Variants in NRXN3 observed in about 807,000 individuals in gnomAD.
The protein encoded by NRXN3 is neurexin 3, also known as neurexin III.
NRXN3 carries 32 observed loss-of-function variants against 137.6 expected under a neutral mutation model. The ratio of observed to expected loss-of-function variants is 0.23; its 90% CI spans 0.18 to 0.31. NRXN3 has a LOEUF of 0.31. NRXN3 is among the 10% of genes least tolerant of loss of function. The probability of loss-of-function intolerance (pLI) is 1.00; values close to 1 mark genes in which losing one functional copy is unlikely to be tolerated. For missense variants in NRXN3, 1,574 were observed against 2,062.5 expected, an observed-to-expected ratio of 0.76 and a Z score of 4.59; for synonymous variants, 798 against 784.5, an observed-to-expected ratio of 1.02 and a Z score of -0.29.
intron 1 of NRXN3, among the ~76,000 whole-genome samples, chr14:78,174,538 A>G (rs1034170574): frequency 6.6e-6 from 1 of 152,106 alleles, no homozygotes; most frequent in African/African-American, 2.4e-5. Context: ...GTGTTTTGTC[A>G]AGCACCAGCG....
At chr14:78,196,021 G>A (rs757005344) in intron 1 of NRXN3, among the ~76,000 whole-genome samples, 3 of 152,216 alleles carry the variant, frequency 2.0e-5, no homozygotes, top group Non-Finnish European at 4.4e-5. Context: ...TGACGAACCC[G>A]CTGTGGCTTG....
chr14:79,035,395 C>T (rs1568062509), intron 15 of NRXN3, among the ~76,000 whole-genome samples: 1 of 152,118 alleles, frequency 6.6e-6, no homozygotes, highest in East Asian at 1.9e-4. Context: ...TAAAACGTGC[C>T]ATATTTGGTC....
chr14:78,953,517 A>C (rs1436678628), intron 10 of NRXN3, among the ~76,000 whole-genome samples: 1 of 152,196 alleles, frequency 6.6e-6, no homozygotes, highest in Non-Finnish European at 1.5e-5. Flanking sequence ...AGCTTGTGTG[A>C]GCATTTGGGT....
At chr14:79,586,774 C>G (rs1303421189) in intron 16 of NRXN3, among the ~76,000 whole-genome samples, 1 of 152,100 alleles carries the variant, frequency 6.6e-6, no homozygotes. Flanking sequence ...TATTGAAATT[C>G]TTTTTAATCC....
At chr14:79,320,734 AG>A (rs144524535) in intron 15 of NRXN3, among the ~76,000 whole-genome samples, 1 of 152,272 alleles carries the variant, frequency 6.6e-6, no homozygotes, top group African/African-American at 2.4e-5. Flanking sequence ...TTGGTGGCAA[AG>A]AAAGGGAAAC....
chr14:78,868,573 A>G (rs1048176298), intron 10 of NRXN3, among the ~76,000 whole-genome samples: 1 of 152,138 alleles, frequency 6.6e-6, no homozygotes, highest in Non-Finnish European at 1.5e-5. Context: ...TAATCTCAGC[A>G]CTTTGGGAGG....
chr14:79,621,342 T>C (rs893767059), intron 16 of NRXN3, among the ~76,000 whole-genome samples: 6 of 152,156 alleles, frequency 3.9e-5, no homozygotes, highest in East Asian at 1.9e-4. Context: ...AATACAAAGA[T>C]AAAGATGTGA....
intron 19 of NRXN3, among the ~76,000 whole-genome samples, chr14:79,731,432 A>G (rs939353163): frequency 6.6e-6 from 1 of 152,210 alleles, no homozygotes; most frequent in African/African-American, 2.4e-5. Flanking sequence ...TAAACCACAC[A>G]TCCCATCTAG....
intron 15 of NRXN3, among the ~76,000 whole-genome samples, chr14:79,075,050 T>A (rs1875596): frequency 0.99 from 150,939 of 152,308 alleles, 74,815 homozygotes; most frequent in Middle Eastern, 1. Flanking sequence ...TTTACTTATT[T>A]TAATTTTATA....
intron 4 of NRXN3, among the ~76,000 whole-genome samples, chr14:78,627,047 C>A (rs1045659402): frequency 6.6e-6 from 1 of 151,964 alleles, no homozygotes; most frequent in Non-Finnish European, 1.5e-5. Context: ...TCCTTTTTCA[C>A]TCTCTTAGCT....
At chr14:79,298,164 A>G (rs1389952254) in intron 15 of NRXN3, among the ~76,000 whole-genome samples, 1 of 151,950 alleles carries the variant, frequency 6.6e-6, no homozygotes, top group African/African-American at 2.4e-5. Context: ...TCTGAAATTT[A>G]TTTGTATGAG....
intron 16 of NRXN3, among the ~76,000 whole-genome samples, chr14:79,563,073 C>A (rs112287718): frequency 1.4e-4 from 22 of 152,292 alleles, no homozygotes; most frequent in African/African-American, 5.3e-4. Context: ...TAATTAGGGA[C>A]TTCAGCAGTC....
intron 10 of NRXN3, among the ~76,000 whole-genome samples, chr14:78,932,011 G>C (rs1567739607): frequency 6.6e-6 from 1 of 152,094 alleles, no homozygotes; most frequent in Non-Finnish European, 1.5e-5. Context: ...ATGGTGGCAG[G>C]CACCCATAAT....
At chr14:79,711,979 C>G (rs531762767) in intron 19 of NRXN3, among the ~76,000 whole-genome samples, 11 of 152,176 alleles carry the variant, frequency 7.2e-5, no homozygotes, top group Admixed American at 2.6e-4. Context: ...TCACCTCCCC[C>G]TTCTGCCCAG....
At chr14:78,340,504 C>T (rs1457848218) in intron 4 of NRXN3, among the ~76,000 whole-genome samples, 1 of 152,152 alleles carries the variant, frequency 6.6e-6, no homozygotes, top group Non-Finnish European at 1.5e-5. Flanking sequence ...CTGCATTCAT[C>T]TGGCAGATAG....
rs1310561230 is a variant in NRXN3, at chr14:79,770,918, T to C, written c.4015-34194T>C. ...GAAAAAGAGAGAAGAATCAAATAGATGCAATAAAAAATGATAAAGAAGATA... is the reference window on the plus strand; with the variant it reads ...GAAAAAGAGAGAAGAATCAAATAGACGCAATAAAAAATGATAAAGAAGATA... On this transcript the variant is annotated intron_variant, in intron 19 of 20. Coordinates refer to ENST00000335750, the MANE Select transcript of NRXN3 (RefSeq NM_001330195.2). 5.3e-5 allele frequency among the ~76,000 whole-genome samples: 8 copies of C among 151,750 alleles called. No homozygotes were observed. In the East Asian group the frequency reaches 9.7e-4, roughly 18 times the overall value.
intron 14 of NRXN3, among the ~76,000 whole-genome samples, chr14:78,968,845 G>A (rs2099428880): frequency 1.3e-5 from 2 of 152,200 alleles, no homozygotes; most frequent in African/African-American, 2.4e-5. Context: ...TGATGGAAGG[G>A]AACTAACATT....
At chr14:78,824,440 C>T (rs1024840885) in intron 10 of NRXN3, among the ~76,000 whole-genome samples, 7 of 152,104 alleles carry the variant, frequency 4.6e-5, no homozygotes, top group African/African-American at 1.2e-4. Flanking sequence ...CCATCTAGCA[C>T]GGTGCTAATC....
chr14:79,387,939 A>T (rs1299553795), intron 15 of NRXN3, among the ~76,000 whole-genome samples: 5 of 115,350 alleles, frequency 4.3e-5, no homozygotes, highest in South Asian at 2.9e-4. Context: ...AACATCACAC[A>T]CTGGGGCCTG....
Sources: allele counts gnomAD v4.1 joint callset (sites outside exome capture counted in the v4.1 genomes callset), GRCh38; gene constraint gnomAD v4.1.1; transcripts MANE v1.5; gene names NCBI Gene and HGNC (gene_info 2026-07-23, HGNC 2026-07-21).